The following ZCCHC14 variants were observed in gnomAD, a reference collection of about 807,000 sequenced individuals.
The protein encoded by ZCCHC14 is zinc finger CCHC domain-containing protein 14.
Under a neutral mutation model 85.0 loss-of-function variants are expected in ZCCHC14, and 16 were observed. That is an observed-to-expected ratio of 0.19 (90% CI 0.13 to 0.29). The LOEUF (loss-of-function observed/expected upper bound fraction) is 0.29, where lower values mean the gene tolerates loss of function less well. ZCCHC14 is among the 10% of genes least tolerant of loss of function. ZCCHC14 has a pLI of 1.00. For missense variants in ZCCHC14, 1,303 were observed against 1,443.5 expected (o/e 0.90, Z 1.58); for synonymous variants, 775 against 630.7 (o/e 1.23, Z -3.43).
intron 2 of ZCCHC14, among the ~76,000 whole-genome samples, chr16:87,446,875 G>T (rs890527954): frequency 2.0e-5 from 3 of 151,738 alleles, no homozygotes; most frequent in Admixed American, 6.6e-5. Flanking sequence ...TAGTAGAGAC[G>T]GGGGTTTCAC....
At chr16:87,471,745 CGA>C (rs1333249898) in intron 1 of ZCCHC14, 4 of 152,284 alleles carry the variant, frequency 2.6e-5, no homozygotes, top group South Asian at 2.1e-4. Context: ...AGTCTAAAGT[CGA>C]GAGCCCTAGG....
chr16:87,429,443 C>A (rs142879316), intron 3 of ZCCHC14, among the ~76,000 whole-genome samples: 278 of 152,230 alleles, frequency 1.8e-3, no homozygotes, highest in Admixed American at 3.4e-3. Context: ...TCCCGAGTAG[C>A]TGGAACTGCA....
chr16:87,464,667 T>C (rs1182712438), intron 1 of ZCCHC14, among the ~76,000 whole-genome samples: 1 of 152,252 alleles, frequency 6.6e-6, no homozygotes, highest in African/African-American at 2.4e-5. Flanking sequence ...TTTTCCTCCG[T>C]ATATTTTCCC....
At chr16:87,413,355 G>A (rs779822132) in intron 10 of ZCCHC14, among the ~76,000 whole-genome samples, 160 bp from the exon 11 acceptor site, 17 of 152,360 alleles carry the variant, frequency 1.1e-4, no homozygotes, top group East Asian at 9.7e-4. Context: ...GCACGGTGAC[G>A]GATGCAGCAG....
rs368543548 is a variant in ZCCHC14, at chr16:87,412,442, G to A, written c.2279C>T (p.Thr760Met). The A allele has an allele frequency of 1.1e-5, 17 of 1,613,962 alleles. No homozygotes were observed. The highest frequency in any genetic ancestry group is 6.6e-5 in the South Asian group (6 of 91,074). The change falls in exon 12 of 13, where the codon ACG (threonine) becomes ATG (methionine). Residue 760 changes from threonine (T) to methionine (M), a missense_variant. Thr to Met is a moderately conservative substitution (Grantham distance 81). Transcript: ENST00000671377. ...ALVVETSTAA[T>M]GTPSTVLHAA... ...GTGGAGGACTGTGCTGGGCGTCCCC[G>A]TGGCGGCCGTGCTGGTCTCCACGAC...
intron 3 of ZCCHC14, among the ~76,000 whole-genome samples, chr16:87,429,040 A>G (rs1909516993): frequency 6.6e-6 from 1 of 152,224 alleles, no homozygotes; most frequent in East Asian, 1.9e-4. Flanking sequence ...TTTTATGAAC[A>G]TGTGCTTAAT....
rs1336355183 is a variant in ZCCHC14 at position 87,409,194 on chromosome 16, A to T, written c.*1086T>A. 2 of 152,248 alleles carry T rather than the reference A, an allele frequency of 1.3e-5. No individual in the cohort carries two copies. Among genetic ancestry groups the T allele is most frequent in the Non-Finnish European group, 2.9e-5 (2 of 68,038 alleles). 9.4% of individuals were successfully genotyped at this position (152,248 alleles called of 1,614,324 possible). A position where few individuals can be genotyped will look rare whatever the true frequency, so the allele number is the denominator to read the frequency against. On this transcript the variant is annotated 3_prime_UTR_variant, in exon 13 of 13. Transcript: ENST00000671377. ...ATCAATACACAGCCTAATACAAAAGAAGTTGACAGGAGAAAATTCCCAATC... is the reference window on the plus strand; with the variant it reads ...ATCAATACACAGCCTAATACAAAAGTAGTTGACAGGAGAAAATTCCCAATC...
At position 87,418,871 on chromosome 16, in the gene ZCCHC14, C is replaced by G; in HGVS notation, c.1076G>C (p.Gly359Ala). 6.2e-7 allele frequency: 1 copy of G among 1,613,276 alleles called. No individual in the cohort carries two copies. The highest frequency in any genetic ancestry group is 8.5e-7 in the Non-Finnish European group (1 of 1,179,518). Reference sequence around the variant, plus strand: ...CCTTCCAGACACGCCCATCACGGTACCTACTTTAGAAAGGGAGGGATTGCC... The same window carrying G: ...CCTTCCAGACACGCCCATCACGGTAGCTACTTTAGAAAGGGAGGGATTGCC... Reference protein sequence around the residue: ...SPGNPSLSKVGTVMGVSGRPV... With the variant: ...SPGNPSLSKVATVMGVSGRPV... The change falls in exon 7 of 13, where the codon GGT (glycine) becomes GCT (alanine). Residue 359 changes from glycine to alanine, a missense_variant. Physicochemically the swap from Gly to Ala is moderately conservative, Grantham distance 60. This residue lies in a region of ZCCHC14 where 389 missense variants were observed against 397.8 expected (regional missense o/e 0.98). Coordinates refer to ENST00000671377, the MANE Select transcript of ZCCHC14 (RefSeq NM_015144.3).
intron 1 of ZCCHC14, among the ~76,000 whole-genome samples, chr16:87,477,151 A>AAAAAAAAAAAAAAAAAC (rs1912054945): frequency 2.1e-5 from 3 of 142,182 alleles, no homozygotes; most frequent in Admixed American, 6.8e-5. Context: ...ACAAAACAAA[A>AAAAAAAAAAAAAAAAAC]CCAAAAAAAA....
intron 1 of ZCCHC14, chr16:87,467,124 T>C: frequency 1.2e-6 from 1 of 810,046 alleles, no homozygotes; most frequent in Non-Finnish European, 2.0e-6. Context: ...GCCTCAAAAG[T>C]GGTCCTCCAC....
At position 87,407,178 on chromosome 16, in the gene ZCCHC14, T is replaced by C. The variant is rs1030287741; in HGVS notation, c.*3102A>G. 2 of 152,258 alleles carry C rather than the reference T, an allele frequency of 1.3e-5. No individual in the cohort carries two copies. The highest frequency in any genetic ancestry group is 4.8e-5 in the African/African-American group (2 of 41,454). 9.4% of individuals were successfully genotyped at this position (152,258 alleles called of 1,614,324 possible). On this transcript the variant is annotated 3_prime_UTR_variant, in exon 13 of 13. Coordinates refer to ENST00000671377, the MANE Select transcript of ZCCHC14 (RefSeq NM_015144.3). Reference sequence around the variant, plus strand: ...CACTACTGTGCCCCAAGACAGAGTCTGTGGTATAAACTAACTGTGCTGACT... The same window carrying C: ...CACTACTGTGCCCCAAGACAGAGTCCGTGGTATAAACTAACTGTGCTGACT...
chr16:87,490,508 C>T (rs1289785322), intron 1 of ZCCHC14, among the ~76,000 whole-genome samples: 6 of 152,180 alleles, frequency 3.9e-5, no homozygotes, highest in Non-Finnish European at 5.9e-5. Flanking sequence ...AGCTGGAGCC[C>T]CAGACACTTT....
At chr16:87,414,380 G>C (rs984378880) in intron 10 of ZCCHC14, 34 bp downstream of exon 10, 1 of 1,612,138 alleles carries the variant, frequency 6.2e-7, no homozygotes, top group Non-Finnish European at 8.5e-7. Context: ...CTCTGTGTAT[G>C]AGTAACCCAT....
chr16:87,418,467 G>C (rs1310215033), intron 7 of ZCCHC14, among the ~76,000 whole-genome samples: 1 of 152,200 alleles, frequency 6.6e-6, no homozygotes, highest in East Asian at 1.9e-4. Context: ...CAGCAAAGAT[G>C]GGAGCCTCTG....
chr16:87,474,888 G>A (rs1911932409), intron 1 of ZCCHC14, among the ~76,000 whole-genome samples: 1 of 152,208 alleles, frequency 6.6e-6, no homozygotes, highest in Non-Finnish European at 1.5e-5. Context: ...CAGCAACTGA[G>A]CAGAGATATT....
At chr16:87,418,190 AT>A (rs1908896035) in intron 7 of ZCCHC14, among the ~76,000 whole-genome samples, 1 of 152,250 alleles carries the variant, frequency 6.6e-6, no homozygotes, top group South Asian at 2.1e-4. Flanking sequence ...CTGATAAATC[AT>A]ACATCAAAAT....
chr16:87,487,243 G>T (rs1437118854), intron 1 of ZCCHC14, among the ~76,000 whole-genome samples: 1 of 151,898 alleles, frequency 6.6e-6, no homozygotes, highest in Non-Finnish European at 1.5e-5. Flanking sequence ...CCCTAAAGAA[G>T]ACCACCACCC....
chr16:87,487,202 G>T (rs1004962917), intron 1 of ZCCHC14, among the ~76,000 whole-genome samples: 3 of 152,166 alleles, frequency 2.0e-5, no homozygotes, highest in Admixed American at 6.5e-5. Flanking sequence ...GCAAGCCACA[G>T]AGAGTTCCAG....
At chr16:87,425,574 CAA>C (rs1274904709) in intron 3 of ZCCHC14, among the ~76,000 whole-genome samples, 2 of 139,042 alleles carry the variant, frequency 1.4e-5, no homozygotes, top group African/African-American at 2.6e-5. Flanking sequence ...GAAACTCTAT[CAA>C]AAAAAAAAAA....
Sources: allele counts gnomAD v4.1 joint callset (sites outside exome capture counted in the v4.1 genomes callset), GRCh38; gene constraint gnomAD v4.1.1; regional missense constraint gnomAD v4.1.1; transcripts MANE v1.5; gene names NCBI Gene and HGNC (gene_info 2026-07-23, HGNC 2026-07-21).